RAB3GAP2: variants seen among roughly 807,000 people sequenced by gnomAD.
The protein encoded by RAB3GAP2 is rab3 GTPase-activating protein non-catalytic subunit.
Under a neutral mutation model 185.3 loss-of-function variants are expected in RAB3GAP2, and 87 were observed. The observed-to-expected ratio is 0.47, with a 90% CI of 0.39 to 0.56. The LOEUF is 0.56. Among genes scored for constraint, RAB3GAP2 ranks in the 20% least tolerant of loss-of-function variants. The pLI is 0.00. For synonymous variants in RAB3GAP2, 554 were observed against 576.1 expected (o/e 0.96, Z 0.55); for missense variants, 1,492 against 1,638.2 (o/e 0.91, Z 1.54).
At chr1:220,215,531 A>G (rs1036810690) in intron 2 of RAB3GAP2, among the ~76,000 whole-genome samples, 2 of 152,108 alleles carry the variant, frequency 1.3e-5, no homozygotes, top group African/African-American at 4.8e-5. Context: ...AAATTGCATA[A>G]TTTTCTATGA....
At chr1:220,183,381 C>T (rs1389896872) in intron 19 of RAB3GAP2, among the ~76,000 whole-genome samples, 1 of 151,664 alleles carries the variant, frequency 6.6e-6, no homozygotes, top group Non-Finnish European at 1.5e-5. Context: ...CCTGAGTAGC[C>T]GGGACCACAA....
chr1:220,224,228 G>A (rs1659363384), intron 2 of RAB3GAP2, among the ~76,000 whole-genome samples: 1 of 151,952 alleles, frequency 6.6e-6, no homozygotes, highest in African/African-American at 2.4e-5. Context: ...ACTTGCCCAG[G>A]GTTTCATAAT....
rs1657744720 is a variant in RAB3GAP2, at chr1:220,151,148, A to G, written c.*103T>C. On this transcript the variant is annotated 3_prime_UTR_variant, in exon 35 of 35. Transcript: ENST00000358951. ...TATTTATTTTACAAAAGGAAAAAAA[A>G]AGACATACTTTTCCCATAAAATTCC... The G allele has an allele frequency of 8.0e-7, 1 of 1,246,858 alleles. No homozygotes were observed. Among genetic ancestry groups the G allele is most frequent in the East Asian group, 2.4e-5 (1 of 41,926 alleles). The allele number at this position is 1,246,858 out of a possible 1,614,324, so 77.2% of individuals were successfully genotyped here.
At chr1:220,173,055 T>C (rs1658208584) in intron 21 of RAB3GAP2, among the ~76,000 whole-genome samples, 2 of 152,218 alleles carry the variant, frequency 1.3e-5, no homozygotes, top group South Asian at 4.1e-4. Context: ...TACGTGAGCA[T>C]AGATCTGCTG....
chr1:220,239,786 C>G (rs1196892098), intron 1 of RAB3GAP2, among the ~76,000 whole-genome samples: 1 of 152,074 alleles, frequency 6.6e-6, no homozygotes, highest in African/African-American at 2.4e-5. Context: ...ATATTTCACA[C>G]ACACACGTGC....
At chr1:220,189,889 A>G in intron 16 of RAB3GAP2, 122 bp from the exon 17 acceptor site, 1 of 1,090,250 alleles carries the variant, frequency 9.2e-7, no homozygotes, top group Non-Finnish European at 1.3e-6. Context: ...GTTCTCTCAC[A>G]TTAATGTTTT....
At chr1:220,164,705 G>A (rs1658032523) in intron 27 of RAB3GAP2, 28 bp downstream of exon 27, 1 of 1,590,758 alleles carries the variant, frequency 6.3e-7, no homozygotes, top group Non-Finnish European at 8.6e-7. Context: ...AGATCAAACA[G>A]TGATGTTTCT....
intron 4 of RAB3GAP2, among the ~76,000 whole-genome samples, chr1:220,212,596 C>T (rs1007333414): frequency 4.6e-5 from 7 of 152,044 alleles, no homozygotes; most frequent in African/African-American, 9.7e-5. Flanking sequence ...TGGGTTCAAG[C>T]AATCCTCCTG....
Position 220,210,372 on chromosome 1 carries a change from C to A in RAB3GAP2, c.612+16G>T. 6.2e-7 allele frequency: 1 copy of A among 1,604,036 alleles called. No homozygotes were observed. Among genetic ancestry groups the A allele is most frequent in the Non-Finnish European group, 8.5e-7 (1 of 1,170,852 alleles). On this transcript the variant is annotated intron_variant, in intron 7 of 34. Transcript: ENST00000358951. ...TAATGCCACTGTTACTGTTGGAACACAATTTTTTACACTACCTGCTCAGTC... is the reference window on the plus strand; with the variant it reads ...TAATGCCACTGTTACTGTTGGAACAAAATTTTTTACACTACCTGCTCAGTC...
Position 220,231,938 on chromosome 1 carries a change from G to A in RAB3GAP2, c.180+861C>T, listed in dbSNP as rs115136282. Among the ~76,000 whole-genome samples the A allele has an allele frequency of 6.6e-3, 1,011 of 152,252 alleles. 3 individuals are homozygous for A. The highest frequency in any genetic ancestry group is 0.027 in the Middle Eastern group (8 of 294). On this transcript the variant is annotated intron_variant, in intron 2 of 34. Transcript: ENST00000358951. ...TGAATTGCCTGATCAACCAACCCAG[G>A]ATTCCATTCTATCTTTGGACTTCCT...
chr1:220,164,942 A>C lies in RAB3GAP2; in HGVS notation c.3088-143T>G, dbSNP rs1002068100. 12 of 812,566 alleles carry C rather than the reference A, an allele frequency of 1.5e-5. No individual in the cohort carries two copies. In the African/African-American group the frequency reaches 2.1e-4, roughly 14 times the overall value. 50.3% of individuals were successfully genotyped at this position (812,566 alleles called of 1,614,324 possible). ...AATAATAACATGAAATTATTGGATA[A>C]GAAATAACTTTTGATAAACTGTCCC... On this transcript the variant is annotated intron_variant, in intron 26 of 34. Transcript: ENST00000358951.
chr1:220,204,993 T>C (rs1280512068), intron 8 of RAB3GAP2, among the ~76,000 whole-genome samples: 6 of 152,076 alleles, frequency 3.9e-5, no homozygotes, highest in Non-Finnish European at 7.4e-5. Context: ...TTGTTGTCTA[T>C]TGTTGTTGGA....
chr1:220,206,660 C>A (rs1658974401), intron 7 of RAB3GAP2, among the ~76,000 whole-genome samples: 1 of 152,188 alleles, frequency 6.6e-6, no homozygotes, highest in African/African-American at 2.4e-5. Flanking sequence ...CTGATTAAAA[C>A]TCTTCAATGA....
chr1:220,190,142 T>C lies in RAB3GAP2; in HGVS notation c.1636A>G (p.Lys546Glu). 1 of 1,611,198 alleles carries C rather than the reference T, an allele frequency of 6.2e-7. No individual in the cohort carries two copies. The highest frequency in any genetic ancestry group is 8.5e-7 in the Non-Finnish European group (1 of 1,177,436). Residue 546 changes from lysine (K) to glutamate (E), a missense_variant, in exon 16 of 35, where the codon AAG becomes GAG. Lys to Glu is a moderately conservative substitution (Grantham distance 56). Coordinates refer to ENST00000358951, the MANE Select transcript of RAB3GAP2 (RefSeq NM_012414.4). ...ATATCCTTGGCTCGTTCACTCTTCT[T>C]ATCACTAAACCAATAAATATAACAA... is the stretch of plus-strand genomic sequence containing the variant. Reference protein sequence around the residue: ...NVPFHLALSDKKSERAKDMHL... With the variant: ...NVPFHLALSDEKSERAKDMHL...
At chr1:220,253,422 T>G (rs1001151492) in intron 1 of RAB3GAP2, 3 of 1,283,232 alleles carry the variant, frequency 2.3e-6, no homozygotes, top group Admixed American at 5.4e-5. Context: ...TATGGTAGAG[T>G]GGCCAGACTG....
At chr1:220,201,334 C>T (rs1273000199) in intron 9 of RAB3GAP2, among the ~76,000 whole-genome samples, 1 of 152,062 alleles carries the variant, frequency 6.6e-6, no homozygotes, top group East Asian at 1.9e-4. Flanking sequence ...GTGCAAGCCA[C>T]CACACTTGAC....
At chr1:220,182,578 TTGGCCAAAAAATACAG>T in intron 20 of RAB3GAP2, 124 bp downstream of exon 20, 1 of 1,219,176 alleles carries the variant, frequency 8.2e-7, no homozygotes, top group East Asian at 2.5e-5. Flanking sequence ...GTATCTTTTG[TTGGCCAAAAAATACAG>T]TACATTAAAT....
At chr1:220,200,159 G>A (rs199840773) in intron 9 of RAB3GAP2, among the ~76,000 whole-genome samples, 1 of 151,996 alleles carries the variant, frequency 6.6e-6, no homozygotes, top group Non-Finnish European at 1.5e-5. Context: ...GGTCTTCAAG[G>A]CTCCCAGGCC....
chr1:220,193,938 C>T (rs1187035981), intron 12 of RAB3GAP2, among the ~76,000 whole-genome samples: 1 of 151,776 alleles, frequency 6.6e-6, no homozygotes, highest in African/African-American at 2.4e-5. Flanking sequence ...GAGAAAAGTC[C>T]CTGAAACAAA....
Sources: allele counts gnomAD v4.1 joint callset (sites outside exome capture counted in the v4.1 genomes callset), GRCh38; gene constraint gnomAD v4.1.1; transcripts MANE v1.5; gene names NCBI Gene and HGNC (gene_info 2026-07-23, HGNC 2026-07-21).